The following DSCAM variants were observed in gnomAD, a reference collection of about 807,000 sequenced individuals.
The protein encoded by DSCAM is DS cell adhesion molecule, also known as cell adhesion molecule DSCAM.
DSCAM carries 47 observed loss-of-function variants against 217.7 expected under a neutral mutation model. That is an observed-to-expected ratio of 0.22 (90% CI 0.17 to 0.28). The LOEUF (loss-of-function observed/expected upper bound fraction) is 0.28. DSCAM is among the 10% of genes least tolerant of loss of function. The probability of loss-of-function intolerance (pLI) is 1.00; values close to 1 mark genes in which losing one functional copy is unlikely to be tolerated. For missense variants in DSCAM, 2,080 were observed against 2,618.3 expected, an observed-to-expected ratio of 0.79 and a Z score of 4.49; for synonymous variants, 1,056 against 1,015.3, an observed-to-expected ratio of 1.04 and a Z score of -0.76.
intron 1 of DSCAM, among the ~76,000 whole-genome samples, chr21:40,842,330 C>T (rs950305412): frequency 6.6e-6 from 1 of 152,198 alleles, no homozygotes; most frequent in Non-Finnish European, 1.5e-5. Flanking sequence ...GCATGGAAAC[C>T]GAGGAAATCG....
intron 3 of DSCAM, among the ~76,000 whole-genome samples, chr21:40,531,588 A>G (rs1488996538): frequency 6.6e-6 from 1 of 152,218 alleles, no homozygotes; most frequent in Admixed American, 6.5e-5. Flanking sequence ...GGAAGAACAG[A>G]GCAGATTCCA....
chr21:40,575,663 A>T (rs2076844410), intron 3 of DSCAM, among the ~76,000 whole-genome samples: 1 of 152,232 alleles, frequency 6.6e-6, no homozygotes, highest in African/African-American at 2.4e-5. Flanking sequence ...ATTAGGCTTC[A>T]TCAATTTTTT....
intron 11 of DSCAM, among the ~76,000 whole-genome samples, chr21:40,265,863 G>A (rs545859379): frequency 8.5e-5 from 13 of 152,066 alleles, no homozygotes; most frequent in Non-Finnish European, 1.5e-4. Context: ...TTAACTCAAG[G>A]TGGATTAAAG....
At chr21:40,579,324 C>T (rs901829249) in intron 3 of DSCAM, among the ~76,000 whole-genome samples, 4 of 151,130 alleles carry the variant, frequency 2.6e-5, no homozygotes, top group African/African-American at 9.7e-5. Flanking sequence ...GAAAAAGAAG[C>T]AGTGAGGAAA....
intron 24 of DSCAM, among the ~76,000 whole-genome samples, chr21:40,082,699 G>GAAAAA (rs35477822): frequency 1.4e-5 from 2 of 137,990 alleles, no homozygotes; most frequent in Non-Finnish European, 3.2e-5. Flanking sequence ...TTTCCTAAAA[G>GAAAAA]AAAAAAAAAA....
chr21:40,827,090 G>A (rs2091974699), intron 1 of DSCAM, among the ~76,000 whole-genome samples: 1 of 152,010 alleles, frequency 6.6e-6, no homozygotes, highest in Non-Finnish European at 1.5e-5. Context: ...GAGGGAAGAA[G>A]CTCACCAAAG....
chr21:40,031,489 C>T (rs1327327698), intron 32 of DSCAM, among the ~76,000 whole-genome samples: 1 of 152,158 alleles, frequency 6.6e-6, no homozygotes, highest in East Asian at 1.9e-4. Context: ...ATTAACACTC[C>T]TCACAGTCTC....
chr21:40,153,098 G>T (rs567436555), intron 16 of DSCAM, among the ~76,000 whole-genome samples: 84 of 152,284 alleles, frequency 5.5e-4, no homozygotes, highest in African/African-American at 1.9e-3. Flanking sequence ...TGACAAGTTG[G>T]GTGGACAGTC....
In DSCAM at chr21:40,756,941, A is replaced by G. The variant is rs548415797; in HGVS notation, c.44-48170T>C. On this transcript the variant is annotated intron_variant, in intron 1 of 32. Transcript: ENST00000400454. ...GCGATTTATCTCTGGAATATTTACA[A>G]TTCAGCCTGTAAGAAAGATTGCCCA... 4.0e-5 allele frequency among the ~76,000 whole-genome samples: 6 copies of G among 151,860 alleles called. 1 individual carries two copies. The highest frequency in any genetic ancestry group is 3.9e-4 in the Admixed American group (6 of 15,258).
At chr21:40,745,386 A>G (rs1454845694) in intron 1 of DSCAM, among the ~76,000 whole-genome samples, 1 of 150,158 alleles carries the variant, frequency 6.7e-6, no homozygotes, top group African/African-American at 2.5e-5. Context: ...AAGATAAAGA[A>G]GAAATACTCA....
At chr21:40,797,469 C>T (rs570997107) in intron 1 of DSCAM, among the ~76,000 whole-genome samples, 38 of 152,310 alleles carry the variant, frequency 2.5e-4, no homozygotes, top group African/African-American at 8.9e-4. Context: ...ATTTGAGACA[C>T]ATTCTCCCCA....
chr21:40,362,059 G>A (rs1438855942), intron 4 of DSCAM, among the ~76,000 whole-genome samples: 1 of 152,128 alleles, frequency 6.6e-6, no homozygotes, highest in East Asian at 1.9e-4. Flanking sequence ...TACTGAGAAT[G>A]ATGATTTCCA....
At chr21:40,636,044 T>A (rs571248319) in intron 3 of DSCAM, among the ~76,000 whole-genome samples, 2 of 152,294 alleles carry the variant, frequency 1.3e-5, no homozygotes, top group South Asian at 2.1e-4. Context: ...TAGATTTTTT[T>A]AAAAACGTGA....
At chr21:40,807,986 A>G (rs6517616) in intron 1 of DSCAM, among the ~76,000 whole-genome samples, 137,451 of 152,188 alleles carry the variant, frequency 0.9, 62,162 homozygotes, top group African/African-American at 0.94. Context: ...TCTGGGCCTA[A>G]GTACACATCT....
At chr21:40,587,726 A>G (rs2076956759) in intron 3 of DSCAM, among the ~76,000 whole-genome samples, 1 of 152,218 alleles carries the variant, frequency 6.6e-6, no homozygotes, top group African/African-American at 2.4e-5. Flanking sequence ...TGTACAAGCC[A>G]GATATTCTTT....
At chr21:40,370,750 A>G in intron 3 of DSCAM, among the ~76,000 whole-genome samples, 1 of 151,938 alleles carries the variant, frequency 6.6e-6, no homozygotes, top group East Asian at 1.9e-4. Flanking sequence ...CCTCCCGAAT[A>G]GCTGGAACTA....
chr21:40,182,108 C>T (rs1271524025), intron 14 of DSCAM, among the ~76,000 whole-genome samples: 1 of 152,064 alleles, frequency 6.6e-6, no homozygotes, highest in Admixed American at 6.6e-5. Context: ...AGAGAGTGGA[C>T]TTGGTATGAA....
At chr21:40,291,210 T>C (rs375884894) in intron 10 of DSCAM, among the ~76,000 whole-genome samples, 1 of 152,334 alleles carries the variant, frequency 6.6e-6, no homozygotes, top group South Asian at 2.1e-4. Context: ...GTCACCCTGG[T>C]TCCGGCCACA....
intron 11 of DSCAM, among the ~76,000 whole-genome samples, chr21:40,246,174 G>A (rs2073221101): frequency 6.6e-6 from 1 of 151,486 alleles, no homozygotes; most frequent in Non-Finnish European, 1.5e-5. Flanking sequence ...GAGAGCCTGA[G>A]TGAACATGGG....
Sources: allele counts gnomAD v4.1 joint callset (sites outside exome capture counted in the v4.1 genomes callset), GRCh38; gene constraint gnomAD v4.1.1; transcripts MANE v1.5; gene names NCBI Gene and HGNC (gene_info 2026-07-23, HGNC 2026-07-21).